The following TMEM39B variants were observed in gnomAD, a reference collection of about 807,000 sequenced individuals.
TMEM39B encodes transmembrane protein 39B.
In TMEM39B, 23 loss-of-function variants were observed where a neutral mutation model predicts 52.2. The observed-to-expected ratio is 0.44, with a 90% CI of 0.32 to 0.62. The LOEUF is 0.62. TMEM39B is among the 20% of genes least tolerant of loss of function. TMEM39B has a pLI of 0.06. For synonymous variants in TMEM39B, 285 were observed against 264.0 expected (o/e 1.08, Z -0.77); for missense variants, 547 against 642.0 (o/e 0.85, Z 1.60).
intron 5 of TMEM39B, among the ~76,000 whole-genome samples, chr1:32,080,497 C>G (rs1640049525): frequency 1.3e-5 from 2 of 151,514 alleles, no homozygotes; most frequent in African/African-American, 2.4e-5. Context: ...AACCCCGTCT[C>G]TACTAAAAAA....
chr1:32,100,344 TG>T, intron 7 of TMEM39B, 97 bp from the exon 8 acceptor site: 1 of 1,343,576 alleles, frequency 7.4e-7, no homozygotes, highest in Non-Finnish European at 9.9e-7. Context: ...GTGATAGAAA[TG>T]GGAGTAGAGC....
intron 7 of TMEM39B, among the ~76,000 whole-genome samples, chr1:32,097,881 C>T (rs917650262): frequency 6.6e-6 from 1 of 152,078 alleles, no homozygotes; most frequent in African/African-American, 2.4e-5. Context: ...ATCCATCCGC[C>T]TCAGCCTCTC....
chr1:32,086,794 G>A (rs2124463648), intron 5 of TMEM39B, among the ~76,000 whole-genome samples: 1 of 152,074 alleles, frequency 6.6e-6, no homozygotes, highest in South Asian at 2.1e-4. Flanking sequence ...GAGAAACTGA[G>A]GCTGGGCACA....
rs1336490641 is a variant in TMEM39B at position 32,102,552 on chromosome 1, C to T, written c.1358C>T (p.Ala453Val). 9 of 1,614,084 alleles carry T rather than the reference C, an allele frequency of 5.6e-6. No individual in the cohort carries two copies. Among genetic ancestry groups the T allele is most frequent in the Non-Finnish European group, 7.6e-6 (9 of 1,180,042 alleles). Reference sequence around the variant, plus strand: ...AAGTGGCACCAGACCATCTCGCTGGCCCTCATCCTCTTCAGCAACTACTAT... The same window carrying T: ...AAGTGGCACCAGACCATCTCGCTGGTCCTCATCCTCTTCAGCAACTACTAT... ...SEKWHQTISL[A>V]LILFSNYYAF... The change falls in exon 9 of 9, where the codon GCC becomes GTC. Residue 453 changes from alanine (A) to valine (V), a missense_variant. By Grantham distance (64) the Ala-to-Val change is moderately conservative (BLOSUM62 0). Coordinates refer to ENST00000336294, the MANE Select transcript of TMEM39B (RefSeq NM_018056.4).
intron 5 of TMEM39B, among the ~76,000 whole-genome samples, chr1:32,090,420 C>T (rs1276075982): frequency 1.3e-5 from 2 of 152,022 alleles, no homozygotes; most frequent in Admixed American, 6.6e-5. Flanking sequence ...CTCATATGCA[C>T]CCATAACAAC....
intron 5 of TMEM39B, among the ~76,000 whole-genome samples, chr1:32,088,154 A>G (rs1640448727): frequency 1.4e-5 from 2 of 138,342 alleles, no homozygotes; most frequent in South Asian, 5.0e-4. Flanking sequence ...ACGGTGGCTC[A>G]TGCCTGTAAT....
intron 6 of TMEM39B, among the ~76,000 whole-genome samples, chr1:32,093,584 G>C (rs1254875878): frequency 6.7e-6 from 1 of 149,226 alleles, no homozygotes; most frequent in African/African-American, 2.5e-5. Context: ...GCTAATTTTT[G>C]TATTTTTAGT....
At chr1:32,078,030 C>A (rs1430969077) in intron 5 of TMEM39B, among the ~76,000 whole-genome samples, 1 of 152,030 alleles carries the variant, frequency 6.6e-6, no homozygotes, top group African/African-American at 2.4e-5. Context: ...TTTCCCAACC[C>A]CCAGGTTTTC....
At chr1:32,079,928 C>T (rs965703715) in intron 5 of TMEM39B, among the ~76,000 whole-genome samples, 1 of 152,086 alleles carries the variant, frequency 6.6e-6, no homozygotes, top group African/African-American at 2.4e-5. Context: ...CTCCACCAAG[C>T]CCAGCTAATT....
At chr1:32,083,518 T>C (rs903020311) in intron 5 of TMEM39B, among the ~76,000 whole-genome samples, 1 of 144,666 alleles carries the variant, frequency 6.9e-6, no homozygotes, top group African/African-American at 2.6e-5. Flanking sequence ...CACTTCCCAG[T>C]TTCAAGCGAT....
At chr1:32,077,618 C>T (rs1272272963) in intron 5 of TMEM39B, among the ~76,000 whole-genome samples, 1 of 152,162 alleles carries the variant, frequency 6.6e-6, no homozygotes, top group African/African-American at 2.4e-5. Flanking sequence ...CTTTGTCTCC[C>T]TCGCTCTTCC....
chr1:32,092,250 G>A (rs1640638156), intron 6 of TMEM39B, among the ~76,000 whole-genome samples: 1 of 152,054 alleles, frequency 6.6e-6, no homozygotes, highest in East Asian at 1.9e-4. Context: ...TCAACCTCCT[G>A]GTCTCAAGTG....
In TMEM39B at chr1:32,091,737, A is replaced by G. The variant is rs1640612482; in HGVS notation, c.653A>G (p.Asn218Ser). 1.2e-6 allele frequency: 2 copies of G among 1,614,096 alleles called. No individual in the cohort carries two copies. Among genetic ancestry groups the G allele is most frequent in the Admixed American group, 1.7e-5 (1 of 60,022 alleles). Residue 218 changes from asparagine (N) to serine (S), a missense_variant, in exon 6 of 9, where the codon AAC becomes AGC. Transcript: ENST00000336294. The part of the protein sequence containing the change: ...NCDLRKTSLF[N>S]HMASMGPREA... ...GACCTCCGCAAGACAAGCCTCTTCA[A>G]CCACATGGCCTCCATGGGGCCCCGG...
intron 6 of TMEM39B, among the ~76,000 whole-genome samples, chr1:32,094,118 T>TAGTAGTTGCTCTATCC (rs1640721025): frequency 5.7e-5 from 1 of 17,530 alleles, no homozygotes; most frequent in South Asian, 5.2e-3. Context: ...GCGCCTGGCC[T>TAGTAGTTGCTCTATCC]TTTTTTTTTT....
intron 5 of TMEM39B, among the ~76,000 whole-genome samples, chr1:32,088,816 G>A (rs1157642284): frequency 6.6e-6 from 1 of 151,620 alleles, no homozygotes; most frequent in Non-Finnish European, 1.5e-5. Context: ...AGGTGCCCCC[G>A]CCCCCTCATT....
At chr1:32,088,246 C>G (rs1443357806) in intron 5 of TMEM39B, among the ~76,000 whole-genome samples, 2 of 149,086 alleles carry the variant, frequency 1.3e-5, no homozygotes, top group African/African-American at 4.9e-5. Context: ...GAAACCCCGT[C>G]TCTACCAAAA....
chr1:32,093,425 T>G (rs1278085772), intron 6 of TMEM39B, among the ~76,000 whole-genome samples: 4 of 122,788 alleles, frequency 3.3e-5, no homozygotes, highest in Non-Finnish European at 6.6e-5. Flanking sequence ...TTTTTTTTTT[T>G]TTTTAAGACT....
chr1:32,101,859 C>T (rs1025650449), intron 8 of TMEM39B, among the ~76,000 whole-genome samples: 1 of 152,120 alleles, frequency 6.6e-6, no homozygotes, highest in African/African-American at 2.4e-5. Flanking sequence ...TTAGTCCCTA[C>T]GTTCTACCTT....
intron 5 of TMEM39B, among the ~76,000 whole-genome samples, chr1:32,091,181 C>G (rs1013277057): frequency 3.3e-5 from 5 of 152,086 alleles, no homozygotes; most frequent in African/African-American, 1.2e-4. Context: ...AGTCCCACCC[C>G]CACCTGCCCT....
Sources: gnomAD v4.1 joint callset for allele counts (sites outside exome capture counted in the v4.1 genomes callset) on GRCh38, gnomAD v4.1.1 for gene constraint, MANE v1.5 for transcripts, NCBI Gene and HGNC (gene_info 2026-07-23, HGNC 2026-07-21) for gene names.